The following CDH18 variants were observed in gnomAD, a reference collection of about 807,000 sequenced individuals.
CDH18 encodes the protein cadherin 18.
CDH18 carries 31 observed loss-of-function variants against 67.9 expected under a neutral mutation model. The ratio of observed to expected loss-of-function variants is 0.46; its 90% CI spans 0.34 to 0.62. The LOEUF (loss-of-function observed/expected upper bound fraction) is 0.62. Among genes scored for constraint, CDH18 ranks in the 20% least tolerant of loss-of-function variants. The pLI, the probability that CDH18 is intolerant of heterozygous loss-of-function variation, is 0.01. For missense variants in CDH18, 890 were observed against 975.5 expected, an observed-to-expected ratio of 0.91 and a Z score of 1.17; for synonymous variants, 362 against 347.2, an observed-to-expected ratio of 1.04 and a Z score of -0.48.
Position 19,839,205 on chromosome 5 carries a change from C to T in CDH18, c.-219G>A. On this transcript the variant is annotated 5_prime_UTR_variant, in exon 3 of 13. Transcript: ENST00000382275. Reference sequence around the variant, plus strand: ...CAAAGCCGTAGTTGTCTGATTCCAACTCTTCACAGTAGTTGAACACAAGCA... The same window carrying T: ...CAAAGCCGTAGTTGTCTGATTCCAATTCTTCACAGTAGTTGAACACAAGCA... 1 of 520,756 alleles carries T rather than the reference C, an allele frequency of 1.9e-6. No homozygotes were observed. The highest frequency in any genetic ancestry group is 3.4e-6 in the Non-Finnish European group (1 of 290,784). The allele number at this position is 520,756 out of a possible 1,614,324, so 32.3% of individuals were successfully genotyped here. A position where few individuals can be genotyped will look rare whatever the true frequency, so the allele number is the denominator to read the frequency against.
chr5:20,357,482 T>C (rs911029096), intron 1 of CDH18, among the ~76,000 whole-genome samples: 1 of 152,204 alleles, frequency 6.6e-6, no homozygotes, highest in Non-Finnish European at 1.5e-5. Context: ...ATTGTTATTA[T>C]GTTGAAACAA....
rs1041648563 is a variant in CDH18 at position 20,155,913 on chromosome 5, A to G, written c.-518+99531T>C. Among the ~76,000 whole-genome samples the G allele has an allele frequency of 2.6e-5, 4 of 152,190 alleles. No individual in the cohort carries two copies. In the East Asian group the frequency reaches 7.7e-4, roughly 29 times the overall value. ...ATGTGGCTTTACTTCTGGGTTCTCT[A>G]TTCTGTTCCATTGACACATATCTAT... On this transcript the variant is annotated intron_variant, in intron 2 of 14. Transcript: ENST00000507958.
At chr5:19,664,335 C>G (rs919433583) in intron 5 of CDH18, among the ~76,000 whole-genome samples, 4 of 151,846 alleles carry the variant, frequency 2.6e-5, no homozygotes, top group Non-Finnish European at 5.9e-5. Context: ...TAGAAGCACT[C>G]TATAAACTCA....
intron 1 of CDH18, among the ~76,000 whole-genome samples, chr5:20,391,728 G>A (rs1047656016): frequency 5.9e-5 from 9 of 152,042 alleles, no homozygotes; most frequent in Admixed American, 5.9e-4. Flanking sequence ...TGACATTGAT[G>A]TGTAAAACCC....
intron 2 of CDH18, among the ~76,000 whole-genome samples, chr5:20,055,322 G>A (rs1217919098): frequency 6.6e-6 from 1 of 152,212 alleles, no homozygotes; most frequent in Non-Finnish European, 1.5e-5. Flanking sequence ...AAGTTTGGCA[G>A]CCGTGCAAAC....
In CDH18 at chr5:19,747,890, C is replaced by T. The variant is rs904771582; in HGVS notation, c.229-654G>A. Among the ~76,000 whole-genome samples, 25 of 151,094 alleles carry T rather than the reference C, an allele frequency of 1.7e-4. 1 individual carries two copies. Among genetic ancestry groups the T allele is most frequent in the Admixed American group, 1.3e-3 (20 of 15,136 alleles). ...TTGGGAGGCCGAGGTGGGCAGATCACGAGGTCAGCAGATCGAGACCATCCT... is the reference window on the plus strand; with the variant it reads ...TTGGGAGGCCGAGGTGGGCAGATCATGAGGTCAGCAGATCGAGACCATCCT... On this transcript the variant is annotated intron_variant, in intron 3 of 12. Coordinates refer to ENST00000382275, the MANE Select transcript of CDH18 (RefSeq NM_004934.5).
intron 2 of CDH18, among the ~76,000 whole-genome samples, chr5:20,250,285 T>TG (rs1743734589): frequency 8.8e-6 from 1 of 113,768 alleles, no homozygotes; most frequent in South Asian, 2.9e-4. Flanking sequence ...TTTTATTTTT[T>TG]TTTTTATTTT....
chr5:20,370,205 C>A (rs1742864280), intron 1 of CDH18, among the ~76,000 whole-genome samples: 1 of 151,884 alleles, frequency 6.6e-6, no homozygotes, highest in Non-Finnish European at 1.5e-5. Flanking sequence ...TTATCACCAT[C>A]ATTACTATCC....
At chr5:20,182,958 T>C (rs1309681029) in intron 2 of CDH18, among the ~76,000 whole-genome samples, 4 of 152,120 alleles carry the variant, frequency 2.6e-5, no homozygotes, top group Admixed American at 2.6e-4. Flanking sequence ...TAGTTTAACC[T>C]GAAGGGTATA....
chr5:20,115,633 T>C (rs1747841466), intron 2 of CDH18, among the ~76,000 whole-genome samples: 2 of 152,002 alleles, frequency 1.3e-5, no homozygotes, highest in Admixed American at 6.6e-5. Flanking sequence ...GGTATCAACA[T>C]AGGCATTTCG....
intron 4 of CDH18, among the ~76,000 whole-genome samples, chr5:19,743,935 A>G (rs1375496137): frequency 6.6e-6 from 1 of 151,272 alleles, no homozygotes; most frequent in Non-Finnish European, 1.5e-5. Flanking sequence ...AAAAAAAAAA[A>G]AAAAAAAAAA....
intron 8 of CDH18, 130 bp from the exon 9 acceptor site, chr5:19,544,135 G>A (rs1735905216): frequency 5.0e-6 from 2 of 403,320 alleles, no homozygotes; most frequent in Non-Finnish European, 8.7e-6. Flanking sequence ...TGATTACATG[G>A]CAACTTTATA....
At chr5:19,535,208 A>G (rs1749228098) in intron 9 of CDH18, among the ~76,000 whole-genome samples, 1 of 152,188 alleles carries the variant, frequency 6.6e-6, no homozygotes, top group Non-Finnish European at 1.5e-5. Flanking sequence ...ATGGCAATGG[A>G]TTGATACATA....
intron 1 of CDH18, among the ~76,000 whole-genome samples, chr5:20,272,569 T>C (rs1436857294): frequency 6.6e-6 from 1 of 151,982 alleles, no homozygotes; most frequent in African/African-American, 2.4e-5. Context: ...GGAGTGAGAC[T>C]AAACAGAACA....
chr5:19,712,017 C>A (rs190175800), intron 5 of CDH18, among the ~76,000 whole-genome samples: 1 of 151,920 alleles, frequency 6.6e-6, no homozygotes, highest in South Asian at 2.1e-4. Context: ...GGAACATAGA[C>A]GGAACTGGAA....
intron 1 of CDH18, among the ~76,000 whole-genome samples, chr5:20,520,545 T>C (rs1274536693): frequency 6.6e-6 from 1 of 152,096 alleles, no homozygotes; most frequent in Non-Finnish European, 1.5e-5. Flanking sequence ...TTAGTGCTAA[T>C]ATACAAGCAT....
At chr5:19,986,743 TCA>T (rs1372113638) in intron 1 of CDH18, among the ~76,000 whole-genome samples, 5 of 152,196 alleles carry the variant, frequency 3.3e-5, no homozygotes, top group Non-Finnish European at 5.9e-5. Flanking sequence ...TCTACGAGTA[TCA>T]CATCCTATCT....
Position 20,565,228 on chromosome 5 carries a change from G to A in CDH18, c.-580+10234C>T, listed in dbSNP as rs537316457. On this transcript the variant is annotated intron_variant, in intron 1 of 14. Coordinates refer to the CDH18 transcript ENST00000507958. ...GCCTTGTTTTGAGAACCAGTTAAGG[G>A]GCCGTGATTTTTCATTATGGGAACT... 3.2e-4 allele frequency among the ~76,000 whole-genome samples: 49 copies of A among 152,146 alleles called. 1 individual carries two copies. In the South Asian group the frequency reaches 1.0e-2, roughly 31 times the overall value.
intron 4 of CDH18, among the ~76,000 whole-genome samples, chr5:19,732,839 A>G (rs987347439): frequency 6.6e-6 from 1 of 152,116 alleles, no homozygotes; most frequent in Non-Finnish European, 1.5e-5. Flanking sequence ...AGAAGTTAAT[A>G]TTTGATCCAT....
Sources: gnomAD v4.1 joint callset for allele counts (sites outside exome capture counted in the v4.1 genomes callset) on GRCh38, gnomAD v4.1.1 for gene constraint, MANE v1.5 for transcripts, NCBI Gene and HGNC (gene_info 2026-07-23, HGNC 2026-07-21) for gene names.